The following PDZRN3 variants were observed in gnomAD, a reference collection of about 807,000 sequenced individuals.
PDZRN3 encodes E3 ubiquitin-protein ligase PDZRN3.
In PDZRN3, 38 loss-of-function variants were observed where a neutral mutation model predicts 85.7. That is an observed-to-expected ratio of 0.44 (90% confidence interval 0.34 to 0.58). The LOEUF is 0.58. PDZRN3 is among the 20% of genes least tolerant of loss of function. The probability of loss-of-function intolerance (pLI) is 0.01; values close to 1 mark genes in which losing one functional copy is unlikely to be tolerated. For synonymous variants in PDZRN3, 759 were observed against 638.0 expected, an observed-to-expected ratio of 1.19 and a Z score of -2.86; for missense variants, 1,629 against 1,506.4, an observed-to-expected ratio of 1.08 and a Z score of -1.35.
intron 1 of PDZRN3, among the ~76,000 whole-genome samples, chr3:73,621,518 T>C (rs1041232678): frequency 2.0e-5 from 3 of 152,170 alleles, no homozygotes; most frequent in African/African-American, 7.2e-5. Context: ...CCCAATGAAA[T>C]AAACAAGTTC....
rs907736648 is a variant in PDZRN3 at position 73,383,142 on chromosome 3, A to T, written c.*223T>A. On this transcript the variant is annotated 3_prime_UTR_variant, in exon 10 of 10. Coordinates refer to ENST00000263666, the MANE Select transcript of PDZRN3 (RefSeq NM_015009.3). Reference sequence around the variant, plus strand: ...AAAAGTACAATTGCTATTTGAAAAAAGCTCTGTTTGTTAATATTGCCTTCC... The same window carrying T: ...AAAAGTACAATTGCTATTTGAAAAATGCTCTGTTTGTTAATATTGCCTTCC... 1 of 467,750 alleles carries T rather than the reference A, an allele frequency of 2.1e-6. No individual in the cohort carries two copies. Among genetic ancestry groups the T allele is most frequent in the African/African-American group, 2.0e-5 (1 of 50,902 alleles). The allele number at this position is 467,750 out of a possible 1,614,324, so 29.0% of individuals were successfully genotyped here.
At chr3:73,536,113 GTAA>G (rs1704779670) in intron 3 of PDZRN3, among the ~76,000 whole-genome samples, 2 of 152,196 alleles carry the variant, frequency 1.3e-5, no homozygotes, top group Non-Finnish European at 2.9e-5. Context: ...TTTGCTCATG[GTAA>G]TAAATACAAA....
chr3:73,491,543 G>T (rs1385291850), intron 3 of PDZRN3, among the ~76,000 whole-genome samples: 2 of 148,908 alleles, frequency 1.3e-5, no homozygotes, highest in African/African-American at 2.5e-5. Flanking sequence ...CAAGTAGACA[G>T]ACTTCCAGTC....
intron 3 of PDZRN3, among the ~76,000 whole-genome samples, chr3:73,551,388 T>G (rs980546509): frequency 4.9e-4 from 75 of 152,156 alleles, no homozygotes; most frequent in African/African-American, 1.8e-3. Flanking sequence ...TTGCATCATT[T>G]GAAACTTACG....
chr3:73,564,612 G>T (rs1410087826), intron 3 of PDZRN3, among the ~76,000 whole-genome samples: 1 of 152,148 alleles, frequency 6.6e-6, no homozygotes, highest in Non-Finnish European at 1.5e-5. Context: ...CCCTCTTAGG[G>T]CTTTTCACTC....
intron 3 of PDZRN3, among the ~76,000 whole-genome samples, chr3:73,555,993 T>C (rs1044907470): frequency 2.6e-5 from 4 of 152,170 alleles, no homozygotes; most frequent in Admixed American, 1.3e-4. Context: ...TTACAAAATA[T>C]GCTTAAGGAT....
intron 3 of PDZRN3, among the ~76,000 whole-genome samples, chr3:73,537,685 T>C (rs952406181): frequency 3.9e-5 from 6 of 152,076 alleles, no homozygotes; most frequent in Non-Finnish European, 8.8e-5. Flanking sequence ...AGTGGCACCA[T>C]CTCAGCTCAC....
intron 3 of PDZRN3, among the ~76,000 whole-genome samples, chr3:73,431,542 G>A (rs1271953525): frequency 6.6e-6 from 1 of 152,178 alleles, no homozygotes; most frequent in Non-Finnish European, 1.5e-5. Context: ...CATAATAAGA[G>A]CGAGAATGCA....
At chr3:73,431,997 T>A (rs1000216888) in intron 3 of PDZRN3, among the ~76,000 whole-genome samples, 1 of 152,224 alleles carries the variant, frequency 6.6e-6, no homozygotes, top group Admixed American at 6.5e-5. Flanking sequence ...CAACTGTGAC[T>A]GCTGAATGAT....
intron 3 of PDZRN3, among the ~76,000 whole-genome samples, chr3:73,599,600 T>G (rs1292169793): frequency 1.3e-5 from 2 of 152,254 alleles, no homozygotes; most frequent in Admixed American, 6.5e-5. Flanking sequence ...TTTTGCCACA[T>G]GTATGTCTTG....
At chr3:73,498,790 G>GT (rs1703918383) in intron 3 of PDZRN3, among the ~76,000 whole-genome samples, 1 of 152,096 alleles carries the variant, frequency 6.6e-6, no homozygotes, top group South Asian at 2.1e-4. Flanking sequence ...TCACATGTTG[G>GT]TTAGGCTGGT....
intron 3 of PDZRN3, among the ~76,000 whole-genome samples, chr3:73,471,305 C>A (rs1240991306): frequency 6.6e-6 from 1 of 152,130 alleles, no homozygotes. Flanking sequence ...AAAGGTCCCC[C>A]CCCAGGTTTC....
At chr3:73,441,153 G>A (rs929185458) in intron 3 of PDZRN3, among the ~76,000 whole-genome samples, 5 of 152,028 alleles carry the variant, frequency 3.3e-5, no homozygotes, top group African/African-American at 9.7e-5. Flanking sequence ...GGTGGCTCAC[G>A]CCTGTAATCC....
intron 3 of PDZRN3, among the ~76,000 whole-genome samples, chr3:73,554,354 ACACACACAC>A (rs1701638495): frequency 7.6e-5 from 1 of 13,150 alleles, no homozygotes; most frequent in African/African-American, 8.2e-4. Flanking sequence ...TTGAGAGAAG[ACACACACAC>A]ACACACACAC....
chr3:73,401,008 G>T lies in PDZRN3; in HGVS notation c.1168C>A (p.His390Asn). 6.2e-7 allele frequency: 1 copy of T among 1,608,404 alleles called. No individual in the cohort carries two copies. Among genetic ancestry groups the T allele is most frequent in the Non-Finnish European group, 8.5e-7 (1 of 1,174,814 alleles). The change falls in exon 5 of 10, where the codon CAT becomes AAT. Residue 390 changes from histidine (H) to asparagine (N), a missense_variant and splice_region_variant. By Grantham distance (68) the His-to-Asn change is moderately conservative. Transcript: ENST00000263666. ...TCGTAGTATTCATGGGCTGAGGGATGCCTGAAAAGAGATGCAACATCTTTA... is the reference window on the plus strand; with the variant it reads ...TCGTAGTATTCATGGGCTGAGGGATTCCTGAAAAGAGATGCAACATCTTTA... ...VLDPYLLPEE[H>N]PSAHEYYDPN...
At chr3:73,542,470 G>T (rs932836789) in intron 3 of PDZRN3, among the ~76,000 whole-genome samples, 1 of 152,088 alleles carries the variant, frequency 6.6e-6, no homozygotes, top group African/African-American at 2.4e-5. Flanking sequence ...CATAAAAAAA[G>T]GCATTTTAAG....
intron 3 of PDZRN3, among the ~76,000 whole-genome samples, chr3:73,517,059 C>A (rs1418658945): frequency 6.6e-6 from 1 of 152,182 alleles, no homozygotes; most frequent in East Asian, 1.9e-4. Flanking sequence ...TATTTCACTT[C>A]CCATCTGGGG....
chr3:73,559,270 AAC>A (rs1271989492), intron 3 of PDZRN3, among the ~76,000 whole-genome samples: 2 of 152,278 alleles, frequency 1.3e-5, no homozygotes, highest in East Asian at 1.9e-4. Context: ...TTTTGTTTTA[AAC>A]ACAGTTTCAC....
chr3:73,409,162 CAGTT>C (rs755444196), intron 3 of PDZRN3, among the ~76,000 whole-genome samples: 95 of 152,318 alleles, frequency 6.2e-4, no homozygotes, highest in Admixed American at 1.7e-3. Flanking sequence ...AAAATCCAAT[CAGTT>C]AGTCTGAAGG....
Sources: allele counts gnomAD v4.1 joint callset (sites outside exome capture counted in the v4.1 genomes callset), GRCh38; gene constraint gnomAD v4.1.1; transcripts MANE v1.5; gene names NCBI Gene and HGNC (gene_info 2026-07-23, HGNC 2026-07-21).